The following TRPC4 variants were observed in gnomAD, a reference collection of about 807,000 sequenced individuals.
The protein encoded by TRPC4 is short transient receptor potential channel 4.
A neutral mutation model predicts 99.4 loss-of-function variants in TRPC4; 49 were observed. The observed-to-expected ratio is 0.49, with a 90% CI of 0.39 to 0.63. The LOEUF is 0.63. Ranked by LOEUF, TRPC4 falls within the 20% of genes least tolerant of loss-of-function variation. The pLI is 0.00. For synonymous variants in TRPC4, 454 were observed against 425.9 expected (o/e 1.07, Z -0.81); for missense variants, 898 against 1,152.9 (o/e 0.78, Z 3.20).
chr13:37,848,071 C>T (rs1469109527), intron 1 of TRPC4, among the ~76,000 whole-genome samples: 1 of 152,026 alleles, frequency 6.6e-6, no homozygotes, highest in South Asian at 2.1e-4. Context: ...CATGAGTTTG[C>T]CTTTTAGATT....
chr13:37,656,934 C>A (rs896903117), intron 6 of TRPC4, among the ~76,000 whole-genome samples: 1 of 152,136 alleles, frequency 6.6e-6, no homozygotes, highest in African/African-American at 2.4e-5. Context: ...AAAGATAAAC[C>A]CTTACTCAGA....
intron 5 of TRPC4, among the ~76,000 whole-genome samples, chr13:37,673,652 A>G (rs2138759063): frequency 6.6e-6 from 1 of 152,310 alleles, no homozygotes; most frequent in South Asian, 2.1e-4. Context: ...TATGCAAATT[A>G]TGAGGTTGGG....
rs1207665038 is a variant in TRPC4 at position 37,674,272 on chromosome 13, A to G, written c.1330T>C (p.Leu444=). The change falls in exon 5 of 11, where the codon TTA becomes CTA. Residue 444 remains leucine (L), a synonymous_variant. Transcript: ENST00000379705. The part of the protein sequence containing the change: ...WNLMDFVMNS[L]YLATISLKIV... ...TTCAAGGAGATTGTTGCTAAATATA[A>G]GGAGTTCATTACAAAGTCCATTAGA... The G allele has an allele frequency of 6.2e-7, 1 of 1,602,958 alleles. No individual in the cohort carries two copies. Among genetic ancestry groups the G allele is most frequent in the Non-Finnish European group, 8.5e-7 (1 of 1,176,756 alleles).
At chr13:37,742,303 G>A (rs1372709017) in intron 3 of TRPC4, among the ~76,000 whole-genome samples, 1 of 152,090 alleles carries the variant, frequency 6.6e-6, no homozygotes, top group African/African-American at 2.4e-5. Flanking sequence ...GATTCATAAG[G>A]AATCTGTTAT....
rs370779178 is a variant in TRPC4, at chr13:37,643,394, A to C, written c.2080-4095T>G. 3.3e-5 allele frequency among the ~76,000 whole-genome samples: 5 copies of C among 152,324 alleles called. No individual in the cohort carries two copies. In the South Asian group the frequency reaches 6.2e-4, roughly 19 times the overall value. ...TACACATGAAGGCAAATACAAAAGA[A>C]AACACGGGAAGTGCTGTAAGTGTGA... On this transcript the variant is annotated intron_variant, in intron 8 of 10. Transcript: ENST00000379705.
chr13:37,720,094 G>A (rs1479398782), intron 3 of TRPC4, among the ~76,000 whole-genome samples: 1 of 151,722 alleles, frequency 6.6e-6, no homozygotes. Context: ...GGAAAAGATG[G>A]GAAGATCAAG....
chr13:37,692,413 T>A (rs977671766), intron 3 of TRPC4, 78 bp from the exon 4 acceptor site: 3 of 1,241,778 alleles, frequency 2.4e-6, no homozygotes, highest in Non-Finnish European at 3.3e-6. Context: ...AAGAACACAA[T>A]TGTGATCTTT....
At chr13:37,849,401 T>A (rs1388479092) in intron 1 of TRPC4, among the ~76,000 whole-genome samples, 1 of 152,104 alleles carries the variant, frequency 6.6e-6, no homozygotes, top group East Asian at 1.9e-4. Context: ...TTTTTGACCA[T>A]GCAATAAACT....
intron 3 of TRPC4, among the ~76,000 whole-genome samples, chr13:37,728,445 A>G (rs1201104277): frequency 6.6e-6 from 1 of 152,060 alleles, no homozygotes; most frequent in Non-Finnish European, 1.5e-5. Flanking sequence ...AAAATCAAAA[A>G]GTATAAAATA....
chr13:37,676,760 A>G (rs953366454), intron 4 of TRPC4, among the ~76,000 whole-genome samples: 1 of 152,098 alleles, frequency 6.6e-6, no homozygotes, highest in Non-Finnish European at 1.5e-5. Flanking sequence ...AGAAATACTT[A>G]CTAAAGACTT....
intron 4 of TRPC4, among the ~76,000 whole-genome samples, chr13:37,680,811 G>A (rs1002357811): frequency 5.3e-5 from 8 of 152,144 alleles, no homozygotes; most frequent in South Asian, 2.1e-4. Context: ...ACTGATCTAC[G>A]TAATCTTTAA....
At chr13:37,865,756 C>T (rs1023323819) in intron 1 of TRPC4, among the ~76,000 whole-genome samples, 1 of 151,692 alleles carries the variant, frequency 6.6e-6, no homozygotes, top group Non-Finnish European at 1.5e-5. Context: ...TCTTTACCAT[C>T]AGGTAGACGT....
intron 3 of TRPC4, among the ~76,000 whole-genome samples, chr13:37,698,881 G>C (rs1427566000): frequency 6.6e-6 from 1 of 151,978 alleles, no homozygotes; most frequent in Non-Finnish European, 1.5e-5. Context: ...TAAAGATCCT[G>C]GATAAAAAAG....
At chr13:37,733,561 T>C (rs1188553873) in intron 3 of TRPC4, among the ~76,000 whole-genome samples, 1 of 152,022 alleles carries the variant, frequency 6.6e-6, no homozygotes, top group East Asian at 1.9e-4. Context: ...GAATAGGAGT[T>C]TCAAAAAATA....
At chr13:37,666,876 T>C (rs1171866651) in intron 5 of TRPC4, among the ~76,000 whole-genome samples, 1 of 152,162 alleles carries the variant, frequency 6.6e-6, no homozygotes, top group African/African-American at 2.4e-5. Context: ...CCCTGGGTGT[T>C]TTCCAGGATT....
At chr13:37,839,500 A>C (rs2139630804) in intron 1 of TRPC4, among the ~76,000 whole-genome samples, 2 of 152,344 alleles carry the variant, frequency 1.3e-5, no homozygotes, top group East Asian at 3.9e-4. Flanking sequence ...AAACCACCTG[A>C]GAGCTTTAAC....
At chr13:37,786,317 CACACACACA>C (rs1432362307) in intron 1 of TRPC4, among the ~76,000 whole-genome samples, 2 of 150,992 alleles carry the variant, frequency 1.3e-5, no homozygotes, top group Non-Finnish European at 3.0e-5. Flanking sequence ...CACACACACA[CACACACACA>C]CACACACGTA....
chr13:37,691,323 TA>T (rs1953698844), intron 4 of TRPC4, among the ~76,000 whole-genome samples: 4 of 152,024 alleles, frequency 2.6e-5, no homozygotes, highest in Admixed American at 2.0e-4. Flanking sequence ...CTAGGATGGC[TA>T]CGATCTCCTG....
chr13:37,645,686 T>G (rs1951844644), intron 8 of TRPC4, among the ~76,000 whole-genome samples: 1 of 152,220 alleles, frequency 6.6e-6, no homozygotes, highest in Non-Finnish European at 1.5e-5. Flanking sequence ...TCTTTGCAGA[T>G]GGATCTACAT....
Sources: gnomAD v4.1 joint callset for allele counts (sites outside exome capture counted in the v4.1 genomes callset) on GRCh38, gnomAD v4.1.1 for gene constraint, MANE v1.5 for transcripts, NCBI Gene and HGNC (gene_info 2026-07-23, HGNC 2026-07-21) for gene names.